The following ASAP1 variants were observed in gnomAD, a reference collection of about 807,000 sequenced individuals.
ASAP1 encodes ArfGAP with SH3 domain, ankyrin repeat and PH domain 1, also known as arf-GAP with SH3 domain, ANK repeat and PH domain-containing protein 1.
ASAP1 carries 43 observed loss-of-function variants against 145.2 expected under a neutral mutation model. That is an observed-to-expected ratio of 0.30 (90% CI 0.23 to 0.38). The LOEUF is 0.38. ASAP1 is among the 10% of genes least tolerant of loss of function. The pLI is 1.00. For synonymous variants in ASAP1, 546 were observed against 515.5 expected, an observed-to-expected ratio of 1.06 and a Z score of -0.80; for missense variants, 1,018 against 1,355.3, an observed-to-expected ratio of 0.75 and a Z score of 3.91.
intron 1 of ASAP1, among the ~76,000 whole-genome samples, chr8:130,441,852 T>C (rs891375522): frequency 5.3e-5 from 8 of 151,994 alleles, no homozygotes; most frequent in East Asian, 1.9e-4. Flanking sequence ...ATGAGAAAAA[T>C]AGATGGGCTG....
chr8:130,205,177 T>C (rs1308652147), intron 5 of ASAP1, among the ~76,000 whole-genome samples: 6 of 152,134 alleles, frequency 3.9e-5, no homozygotes, highest in Non-Finnish European at 7.4e-5. Flanking sequence ...CCCTTTTCCT[T>C]CTTCCTTCCT....
intron 12 of ASAP1, among the ~76,000 whole-genome samples, chr8:130,153,107 T>C (rs1028071080): frequency 6.6e-6 from 1 of 150,682 alleles, no homozygotes; most frequent in Non-Finnish European, 1.5e-5. Context: ...GCAACCTCCA[T>C]CTCCCGGGTT....
Position 130,194,763 on chromosome 8 carries a change from G to A in ASAP1, c.406-6580C>T, listed in dbSNP as rs1327600945. On this transcript the variant is annotated intron_variant, in intron 5 of 29. Transcript: ENST00000518721. The stretch of plus-strand genomic sequence containing the variant: ...GCTGCTTTGAGAATCTAATGTCACC[G>A]CTGATGTGACAGGAGGTGGAGCTCA... Among the ~76,000 whole-genome samples the A allele has an allele frequency of 2.6e-5, 4 of 152,102 alleles. No individual in the cohort carries two copies. The South Asian group carries it at 8.3e-4, about 32-fold the overall frequency.
chr8:130,301,079 A>G (rs1822631726), intron 3 of ASAP1, among the ~76,000 whole-genome samples: 1 of 152,210 alleles, frequency 6.6e-6, no homozygotes, highest in Non-Finnish European at 1.5e-5. Context: ...GATGCCAAAA[A>G]GTCCATTAGT....
intron 7 of ASAP1, among the ~76,000 whole-genome samples, 179 bp downstream of exon 7, chr8:130,187,057 G>A (rs1052114930): frequency 6.6e-6 from 1 of 152,146 alleles, no homozygotes; most frequent in Non-Finnish European, 1.5e-5. Context: ...CTTTAGGTCA[G>A]TGTACCCAAC....
chr8:130,163,818 T>C (rs1428345060), intron 11 of ASAP1, among the ~76,000 whole-genome samples: 1 of 152,212 alleles, frequency 6.6e-6, no homozygotes, highest in African/African-American at 2.4e-5. Context: ...ACATAAAACA[T>C]AAACAATGAA....
chr8:130,227,554 C>A (rs1300652179), intron 4 of ASAP1, among the ~76,000 whole-genome samples: 10 of 151,914 alleles, frequency 6.6e-5, no homozygotes, highest in Admixed American at 6.6e-4. Context: ...CACACTGCAC[C>A]TGGACTCTCC....
intron 3 of ASAP1, among the ~76,000 whole-genome samples, chr8:130,269,840 C>T (rs1188939416): frequency 6.6e-6 from 1 of 152,194 alleles, no homozygotes; most frequent in African/African-American, 2.4e-5. Context: ...GTGTTCCAAG[C>T]ATCCAGGATC....
At chr8:130,262,863 G>GA (rs1169487157) in intron 3 of ASAP1, among the ~76,000 whole-genome samples, 4 of 152,120 alleles carry the variant, frequency 2.6e-5, no homozygotes, top group Admixed American at 1.3e-4. Flanking sequence ...ACGCGCTAAT[G>GA]AAAAATGCAA....
chr8:130,419,050 CCCTGCAGCCAGGGCAGGGACCCTT>C (rs895709627), intron 1 of ASAP1, among the ~76,000 whole-genome samples: 1 of 152,170 alleles, frequency 6.6e-6, no homozygotes, highest in Admixed American at 6.5e-5. Flanking sequence ...GCACATCAGG[CCCTGCAGCCAGGGCAGGGACCCTT>C]CCTGGAGGCC....
chr8:130,347,941 G>A (rs1442346946), intron 3 of ASAP1, among the ~76,000 whole-genome samples: 1 of 152,178 alleles, frequency 6.6e-6, no homozygotes, highest in Non-Finnish European at 1.5e-5. Flanking sequence ...TGGGGAAGGG[G>A]AAGGGACCTC....
chr8:130,331,278 T>C (rs551491635), intron 3 of ASAP1, among the ~76,000 whole-genome samples: 116 of 152,316 alleles, frequency 7.6e-4, no homozygotes, highest in African/African-American at 2.8e-3. Context: ...CACAATGTCA[T>C]CTTGCTCTTA....
intron 10 of ASAP1, 32 bp from the exon 11 acceptor site, chr8:130,167,654 C>CATTT: frequency 6.8e-7 from 1 of 1,461,184 alleles, no homozygotes; most frequent in Non-Finnish European, 9.6e-7. Context: ...TATTACTTAC[C>CATTT]ATTTACACTT....
intron 24 of ASAP1, among the ~76,000 whole-genome samples, chr8:130,096,026 T>G (rs1288795397): frequency 6.6e-6 from 1 of 152,194 alleles, no homozygotes; most frequent in Admixed American, 6.5e-5. Context: ...AAAAGGGATA[T>G]TCAAGTTTAT....
Position 130,256,739 on chromosome 8 carries a change from TTATATATATATATATATATATATA to T in ASAP1, c.187-19769_187-19746del, listed in dbSNP as rs58245112. On this transcript the variant is annotated intron_variant, in intron 3 of 29. Coordinates refer to ENST00000518721, the MANE Select transcript of ASAP1 (RefSeq NM_018482.4). ...ATCTTCTTCCTGAATATACACATTC[TTATATATATATATATATATATATA>T]TATATATATATATATATATCCTTAT... 4.8e-4 allele frequency among the ~76,000 whole-genome samples: 46 copies of T among 95,888 alleles called. 1 individual carries two copies. Among genetic ancestry groups the T allele is most frequent in the South Asian group, 1.2e-3 (4 of 3,376 alleles). The allele number at this position is 95,888 out of a possible 152,430, so 62.9% of individuals were successfully genotyped here.
intron 1 of ASAP1, among the ~76,000 whole-genome samples, chr8:130,437,215 C>A (rs1830344410): frequency 6.6e-6 from 1 of 152,214 alleles, no homozygotes; most frequent in Non-Finnish European, 1.5e-5. Context: ...CCCCCTTGTT[C>A]AGTGCCTGTC....
At chr8:130,371,913 A>C (rs1827231021) in intron 2 of ASAP1, among the ~76,000 whole-genome samples, 1 of 152,334 alleles carries the variant, frequency 6.6e-6, no homozygotes, top group East Asian at 1.9e-4. Flanking sequence ...GCCCATGAAA[A>C]TGCTGAACCA....
chr8:130,118,741 C>A, intron 18 of ASAP1, 66 bp from the exon 19 acceptor site: 1 of 1,159,668 alleles, frequency 8.6e-7, no homozygotes, highest in Non-Finnish European at 1.2e-6. Flanking sequence ...ATTTTTCTGA[C>A]AAACATTTCT....
chr8:130,142,771 G>T (rs1358352840), intron 13 of ASAP1, among the ~76,000 whole-genome samples: 2 of 152,188 alleles, frequency 1.3e-5, no homozygotes, highest in African/African-American at 2.4e-5. Context: ...CACACAGGAA[G>T]GGAGACTCTG....
Sources: gnomAD v4.1 joint callset for allele counts (sites outside exome capture counted in the v4.1 genomes callset) on GRCh38, gnomAD v4.1.1 for gene constraint, MANE v1.5 for transcripts, NCBI Gene and HGNC (gene_info 2026-07-23, HGNC 2026-07-21) for gene names.